The following DENND2B variants were observed in gnomAD, a reference collection of about 807,000 sequenced individuals.
DENND2B encodes the protein DENN domain containing 2B, also known as DENN domain-containing protein 2B.
Under a neutral mutation model 116.0 loss-of-function variants are expected in DENND2B, and 32 were observed. That is an observed-to-expected ratio of 0.28 (90% confidence interval 0.21 to 0.37). The LOEUF (loss-of-function observed/expected upper bound fraction) is 0.37. Among genes scored for constraint, DENND2B ranks in the 10% least tolerant of loss-of-function variants. The pLI, the probability that DENND2B is intolerant of heterozygous loss-of-function variation, is 1.00. For synonymous variants in DENND2B, 588 were observed against 583.9 expected (o/e 1.01, Z -0.10); for missense variants, 1,276 against 1,477.7 (o/e 0.86, Z 2.24).
At chr11:8,701,097 C>T (rs540901937) in intron 14 of DENND2B, among the ~76,000 whole-genome samples, 9 of 152,124 alleles carry the variant, frequency 5.9e-5, no homozygotes, top group Non-Finnish European at 1.0e-4. Context: ...TCCTTTAAAG[C>T]AGCTCAAAAA....
At chr11:8,862,378 G>A (rs1162996483) in intron 2 of DENND2B, among the ~76,000 whole-genome samples, 1 of 143,912 alleles carries the variant, frequency 6.9e-6, no homozygotes, top group Admixed American at 7.0e-5. Context: ...CATCCAGGCT[G>A]GAGGTCAGTG....
chr11:8,713,930 G>T lies in DENND2B; in HGVS notation c.1987+68C>A, dbSNP rs372451233. 2.6e-6 allele frequency: 4 copies of T among 1,554,600 alleles called. No homozygotes were observed. In the Admixed American group the frequency reaches 5.0e-5, roughly 19 times the overall value. ...GGGACACTGGAACCACACATGCATC[G>T]GAAGGGAAGGCTGATTCCCTGCAGC... On this transcript the variant is annotated intron_variant, in intron 8 of 19. Coordinates refer to ENST00000313726, the MANE Select transcript of DENND2B (RefSeq NM_213618.2).
rs144526641 is a variant in DENND2B at position 8,717,944 on chromosome 11, C to T, written c.1478-52G>A. On this transcript the variant is annotated intron_variant, in intron 4 of 19. Coordinates refer to ENST00000313726, the MANE Select transcript of DENND2B (RefSeq NM_213618.2). ...GGGGAGAAGGGAAGAAGGAAACACA[C>T]GAACTCACACACACACAAATAAACA... 6.0e-5 allele frequency: 95 copies of T among 1,578,412 alleles called. 1 individual carries two copies. The highest frequency in any genetic ancestry group is 2.0e-4 in the South Asian group (18 of 89,470).
intron 4 of DENND2B, among the ~76,000 whole-genome samples, chr11:8,825,819 A>G (rs2061956293): frequency 6.6e-6 from 1 of 152,196 alleles, no homozygotes; most frequent in Non-Finnish European, 1.5e-5. Context: ...AAGGTTCAAT[A>G]TGAGTCAACT....
intron 4 of DENND2B, among the ~76,000 whole-genome samples, chr11:8,823,601 G>GT (rs1317404760): frequency 1.3e-5 from 2 of 152,148 alleles, no homozygotes; most frequent in Non-Finnish European, 2.9e-5. Context: ...AGATCTGATA[G>GT]TTTTATAAGC....
chr11:8,813,497 C>T (rs1018998326), upstream of DENND2B, among the ~76,000 whole-genome samples: 9 of 152,174 alleles, frequency 5.9e-5, no homozygotes, highest in African/African-American at 1.9e-4. Flanking sequence ...TCCTCCTGAT[C>T]CTCAAAATGC....
intron 1 of DENND2B, among the ~76,000 whole-genome samples, chr11:8,793,883 A>T (rs2059593710): frequency 6.6e-6 from 1 of 152,154 alleles, no homozygotes; most frequent in Admixed American, 6.6e-5. Context: ...CCATTTTTTT[A>T]AATTAAGAGC....
rs747923719 is a variant in DENND2B, at chr11:8,726,142, C to T, written c.1408G>A (p.Gly470Ser). Reference sequence around the variant, plus strand: ...CCAAACTTGGGTTGGTTCTCAGTACCATTCTCAGTGGGAGAAGAGGGGTAC... The same window carrying T: ...CCAAACTTGGGTTGGTTCTCAGTACTATTCTCAGTGGGAGAAGAGGGGTAC... ...SLYPSSPTEN[G>S]TENQPKFGSK... Residue 470 changes from glycine (G) to serine (S), a missense_variant, in exon 4 of 20, where the codon GGT becomes AGT. Physicochemically the swap from Gly to Ser is moderately conservative, Grantham distance 56. Transcript: ENST00000313726. 1.2e-6 allele frequency: 2 copies of T among 1,614,042 alleles called. No homozygotes were observed. The highest frequency in any genetic ancestry group is 1.7e-6 in the Non-Finnish European group (2 of 1,180,014).
At chr11:8,711,554 G>A (rs1196908591) in intron 9 of DENND2B, among the ~76,000 whole-genome samples, 1 of 152,016 alleles carries the variant, frequency 6.6e-6, no homozygotes, top group Non-Finnish European at 1.5e-5. Flanking sequence ...CAACATCTCA[G>A]AGCGGGGCTT....
chr11:8,694,772 A>G (rs780039174), intron 19 of DENND2B: 1 of 342,438 alleles, frequency 2.9e-6, no homozygotes, highest in Non-Finnish European at 5.7e-6. Context: ...TATAATATCT[A>G]TTTACAGCTG....
In DENND2B at chr11:8,708,364, G is replaced by A. The variant is rs1001156636; in HGVS notation, c.2353-510C>T. ...GAGAGCAAACTGAAAACAAGAGATG[G>A]GAGCTACTGTTTATGGAACATTTGC... On this transcript the variant is annotated intron_variant, in intron 11 of 19. Transcript: ENST00000313726. 3 of 980,542 alleles carry A rather than the reference G, an allele frequency of 3.1e-6. No homozygotes were observed. In the African/African-American group the frequency reaches 5.3e-5, roughly 17 times the overall value. The allele number at this position is 980,542 out of a possible 1,614,324, so 60.7% of individuals were successfully genotyped here. A position where few individuals can be genotyped will look rare whatever the true frequency, so the allele number is the denominator to read the frequency against.
intron 14 of DENND2B, chr11:8,699,970 G>A (rs143342280): frequency 6.5e-4 from 297 of 456,302 alleles, no homozygotes; most frequent in African/African-American, 5.2e-3. Context: ...AAGACCTTGG[G>A]ATCGTCCCTC....
At position 8,867,573 on chromosome 11, in the gene DENND2B, C is replaced by CTTTTT. The variant is rs33990941; in HGVS notation, c.-250+3376_-250+3380dup. Reference sequence around the variant, plus strand: ...ACTAGTACCAAGTTTTAAAATTCAGCTTTTTTTTTTTTTTTTTTTTTTTGA... The same window carrying CTTTTT: ...ACTAGTACCAAGTTTTAAAATTCAGCTTTTTTTTTTTTTTTTTTTTTTTTTTTTGA... On this transcript the variant is annotated intron_variant, in intron 2 of 6. Coordinates refer to the DENND2B transcript ENST00000524757. 1.6e-3 allele frequency among the ~76,000 whole-genome samples: 147 copies of CTTTTT among 89,254 alleles called. 1 individual carries two copies. The highest frequency in any genetic ancestry group is 2.3e-3 in the East Asian group (6 of 2,662). The allele number at this position is 89,254 out of a possible 152,430, so 58.6% of individuals were successfully genotyped here.
At chr11:8,884,170 T>C (rs565514700) in intron 1 of DENND2B, among the ~76,000 whole-genome samples, 1 of 152,198 alleles carries the variant, frequency 6.6e-6, no homozygotes, top group South Asian at 2.1e-4. Context: ...GAAGACCCTC[T>C]AATTCACGAT....
At chr11:8,867,573 C>CGT (rs533466884) in intron 2 of DENND2B, among the ~76,000 whole-genome samples, 1 of 89,230 alleles carries the variant, frequency 1.1e-5, no homozygotes, top group Non-Finnish European at 2.0e-5. Context: ...TAAAATTCAG[C>CGT]TTTTTTTTTT....
upstream of DENND2B, chr11:8,811,031 A>G (rs2061348473): frequency 2.8e-6 from 1 of 355,528 alleles, no homozygotes; most frequent in Non-Finnish European, 5.0e-6. Flanking sequence ...CCAGTGTCTC[A>G]TTTTTTATAA....
intron 3 of DENND2B, among the ~76,000 whole-genome samples, chr11:8,846,675 C>T (rs2062825784): frequency 1.3e-5 from 2 of 152,178 alleles, no homozygotes; most frequent in Non-Finnish European, 2.9e-5. Context: ...TGCCAACCTG[C>T]CAAGGGCCAA....
chr11:8,896,425 T>C (rs1378447288), intron 1 of DENND2B, among the ~76,000 whole-genome samples: 1 of 152,204 alleles, frequency 6.6e-6, no homozygotes, highest in Non-Finnish European at 1.5e-5. Context: ...TGAAAACTGC[T>C]GGATCTGTCG....
intron 4 of DENND2B, among the ~76,000 whole-genome samples, chr11:8,826,253 G>T (rs1040565408): frequency 6.6e-6 from 1 of 152,034 alleles, no homozygotes; most frequent in Non-Finnish European, 1.5e-5. Flanking sequence ...CTGACCATCC[G>T]AGCTTTATCA....
Sources: allele counts gnomAD v4.1 joint callset (sites outside exome capture counted in the v4.1 genomes callset), GRCh38; gene constraint gnomAD v4.1.1; transcripts MANE v1.5; gene names NCBI Gene and HGNC (gene_info 2026-07-23, HGNC 2026-07-21).